Variants in ALDH7A1 observed in about 807,000 individuals in gnomAD.
The protein encoded by ALDH7A1 is aldehyde dehydrogenase 7 family member A1, also known as alpha-aminoadipic semialdehyde dehydrogenase.
ALDH7A1 carries 63 observed loss-of-function variants against 79.9 expected under a neutral mutation model. The observed-to-expected ratio is 0.79, with a 90% CI of 0.64 to 0.97. The LOEUF is 0.97. ALDH7A1 is among the 50% of genes least tolerant of loss of function. The pLI is 0.00. For synonymous variants in ALDH7A1, 240 were observed against 231.2 expected (o/e 1.04, Z -0.34); for missense variants, 627 against 665.2 (o/e 0.94, Z 0.63).
rs767336581 is a variant in ALDH7A1, at chr5:126,577,202, T to C, written c.527A>G (p.His176Arg). 5 of 1,614,024 alleles carry C rather than the reference T, an allele frequency of 3.1e-6. No individual in the cohort carries two copies. The highest frequency in any genetic ancestry group is 2.2e-5 in the East Asian group (1 of 44,890). The change falls in exon 6 of 18, where the codon CAT becomes CGT. Residue 176 changes from histidine to arginine, a missense_variant. Coordinates refer to ENST00000409134, the MANE Select transcript of ALDH7A1 (RefSeq NM_001182.5). ...GGGATTCCACTGCTCAATCAGTGCATGGCCAGATCCTGAGGACAGAAAAAG... is the reference window on the plus strand; with the variant it reads ...GGGATTCCACTGCTCAATCAGTGCACGGCCAGATCCTGAGGACAGAAAAAG... Reference protein sequence around the residue: ...GPILPSERSGHALIEQWNPVG... With the variant: ...GPILPSERSGRALIEQWNPVG...
chr5:126,570,725 T>G, intron 8 of ALDH7A1, 57 bp downstream of exon 8: 15 of 1,499,822 alleles, frequency 1.0e-5, no homozygotes, highest in Non-Finnish European at 1.4e-5. Flanking sequence ...TAACGATGAT[T>G]CTAGTTGGTC....
chr5:126,559,425 T>C, intron 10 of ALDH7A1, 91 bp from the exon 11 acceptor site: 1 of 865,004 alleles, frequency 1.2e-6, no homozygotes, highest in Non-Finnish European at 1.7e-6. Flanking sequence ...TTTTTTGTTT[T>C]TGGTTTTGGT....
intron 14 of ALDH7A1, 116 bp downstream of exon 14, chr5:126,551,905 A>G (rs917326542): frequency 1.2e-6 from 1 of 832,046 alleles, no homozygotes; most frequent in African/African-American, 1.7e-5. Flanking sequence ...TATATCTACT[A>G]TTCAGATTAC....
chr5:126,592,841 A>C, intron 2 of ALDH7A1, 112 bp from the exon 3 acceptor site: 2 of 1,059,464 alleles, frequency 1.9e-6, no homozygotes, highest in South Asian at 2.7e-5. Context: ...AGGGTTCCCT[A>C]ACATTTATGG....
At chr5:126,579,184 A>G (rs770634382) in intron 5 of ALDH7A1, among the ~76,000 whole-genome samples, 6 of 152,172 alleles carry the variant, frequency 3.9e-5, no homozygotes, top group Non-Finnish European at 8.8e-5. Context: ...CTGCCCTACC[A>G]CTGCACCCTC....
At position 126,552,755 on chromosome 5, in the gene ALDH7A1, T is replaced by C. The variant is rs568796694; in HGVS notation, c.1201-618A>G. Among the ~76,000 whole-genome samples, 213 of 151,912 alleles carry C rather than the reference T, an allele frequency of 1.4e-3. 2 individuals carry two copies. Among genetic ancestry groups the C allele is most frequent in the African/African-American group, 4.7e-3 (193 of 41,418 alleles). ...TTTTTGATTTTTTTTTTTTATTATT[T>C]GGTTTTTTGTTTTTGATTTGGTCTT... On this transcript the variant is annotated intron_variant, in intron 13 of 17. Transcript: ENST00000409134.
chr5:126,547,875 C>T (rs958355173), intron 16 of ALDH7A1, among the ~76,000 whole-genome samples: 1 of 152,000 alleles, frequency 6.6e-6, no homozygotes, highest in Non-Finnish European at 1.5e-5. Context: ...CATGGTGAAA[C>T]CCCATCTCTA....
At chr5:126,578,844 G>A (rs901068857) in intron 5 of ALDH7A1, among the ~76,000 whole-genome samples, 1 of 152,144 alleles carries the variant, frequency 6.6e-6, no homozygotes, top group Non-Finnish European at 1.5e-5. Flanking sequence ...TGGAAAGGTG[G>A]CTGTCCCAGC....
intron 7 of ALDH7A1, among the ~76,000 whole-genome samples, chr5:126,572,898 A>G (rs1305091039): frequency 6.6e-6 from 1 of 152,196 alleles, no homozygotes; most frequent in East Asian, 1.9e-4. Flanking sequence ...CAGAAGAACC[A>G]TATGTGGCCT....
intron 10 of ALDH7A1, among the ~76,000 whole-genome samples, chr5:126,560,416 A>G (rs961505744): frequency 6.6e-6 from 1 of 152,140 alleles, no homozygotes; most frequent in Non-Finnish European, 1.5e-5. Flanking sequence ...GGTTGCAGTG[A>G]GCTGAGATCG....
At chr5:126,573,704 A>AC (rs1186757668) in intron 7 of ALDH7A1, among the ~76,000 whole-genome samples, 9 of 151,510 alleles carry the variant, frequency 5.9e-5, no homozygotes, top group South Asian at 4.2e-4. Context: ...CTCAAAAAAA[A>AC]AAAAAAGAAA....
At chr5:126,548,423 CTTT>C (rs576390384) in intron 16 of ALDH7A1, among the ~76,000 whole-genome samples, 8 of 141,042 alleles carry the variant, frequency 5.7e-5, no homozygotes, top group African/African-American at 1.6e-4. Context: ...CAGCCCAAAA[CTTT>C]TTTTTTTTTT....
rs1332379847 is a variant in ALDH7A1, at chr5:126,554,388, C to T, written c.1099G>A (p.Val367Ile). 2 of 1,613,858 alleles carry T rather than the reference C, an allele frequency of 1.2e-6. No individual in the cohort carries two copies. Among genetic ancestry groups the T allele is most frequent in the East Asian group, 4.5e-5 (2 of 44,884 alleles). ...IRVGNPWDPN[V>I]LYGPLHTKQA... ...TTGGTGTGGAGTGGCCCATAGAGAA[C>T]ATTAGCTGGAGAGAGAAAAGGAAGG... Residue 367 changes from valine (V) to isoleucine (I), a missense_variant, in exon 13 of 18, where the codon GTT becomes ATT. Val to Ile is a conservative substitution (Grantham distance 29). Transcript: ENST00000409134.
chr5:126,564,489 C>T, intron 9 of ALDH7A1: 1 of 1,223,570 alleles, frequency 8.2e-7, no homozygotes, highest in Non-Finnish European at 1.0e-6. Flanking sequence ...CATCGATTTC[C>T]TTAAGTGCAC....
At position 126,542,243 on chromosome 5, in the gene ALDH7A1, C is replaced by T. The variant is rs775421792; in HGVS notation, c.*2722G>A. ...TAAAAAGCATTCCAAATCAGCTTTCCAATCTGCAACCTTTGTTAGAATGAA... is the reference window on the plus strand; with the variant it reads ...TAAAAAGCATTCCAAATCAGCTTTCTAATCTGCAACCTTTGTTAGAATGAA... On this transcript the variant is annotated 3_prime_UTR_variant, in exon 18 of 18. Coordinates refer to ENST00000409134, the MANE Select transcript of ALDH7A1 (RefSeq NM_001182.5). 3 of 151,738 alleles carry T rather than the reference C, an allele frequency of 2.0e-5. No homozygotes were observed. Among genetic ancestry groups the T allele is most frequent in the African/African-American group, 7.3e-5 (3 of 41,288 alleles). The allele number at this position is 151,738 out of a possible 1,614,324, so 9.4% of individuals were successfully genotyped here. A position where few individuals can be genotyped will look rare whatever the true frequency, so the allele number is the denominator to read the frequency against.
At chr5:126,578,883 G>T (rs758116339) in intron 5 of ALDH7A1, among the ~76,000 whole-genome samples, 4 of 152,096 alleles carry the variant, frequency 2.6e-5, no homozygotes, top group Admixed American at 2.6e-4. Context: ...CACTCACACT[G>T]CTAGCTAGGA....
At position 126,575,490 on chromosome 5, in the gene ALDH7A1, A is replaced by G. The variant is rs1442865947; in HGVS notation, c.651-26T>C. 3 of 1,599,264 alleles carry G rather than the reference A, an allele frequency of 1.9e-6. No individual in the cohort carries two copies. In the East Asian group the frequency reaches 6.7e-5, roughly 36 times the overall value. ...CTTAAGAAGGTTAAAACAAAAAAAG[A>G]AAAAGAAAAACTTATTTGACGGAAA... On this transcript the variant is annotated intron_variant, in intron 6 of 17. Transcript: ENST00000409134.
chr5:126,556,157 ATAATT>A, intron 11 of ALDH7A1, 142 bp from the exon 12 acceptor site: 1 of 440,504 alleles, frequency 2.3e-6, no homozygotes, highest in Non-Finnish European at 3.8e-6. Flanking sequence ...TTTTAATTAT[ATAATT>A]TATCATTTTA....
At chr5:126,572,337 G>A (rs1750804136) in intron 7 of ALDH7A1, among the ~76,000 whole-genome samples, 1 of 152,182 alleles carries the variant, frequency 6.6e-6, no homozygotes, top group African/African-American at 2.4e-5. Context: ...CCAGGTTTCA[G>A]GATGTACAAT....
Sources: gnomAD v4.1 joint callset for allele counts (sites outside exome capture counted in the v4.1 genomes callset) on GRCh38, gnomAD v4.1.1 for gene constraint, MANE v1.5 for transcripts, NCBI Gene and HGNC (gene_info 2026-07-23, HGNC 2026-07-21) for gene names.